Variants in MED12L observed in about 807,000 individuals in gnomAD.
The protein encoded by MED12L is mediator complex subunit 12L.
MED12L carries 60 observed loss-of-function variants against 281.3 expected under a neutral mutation model. That is an observed-to-expected ratio of 0.21 (90% CI 0.17 to 0.26). The LOEUF is 0.26. MED12L is among the 10% of genes least tolerant of loss of function. The pLI is 1.00. For missense variants in MED12L, 2,146 were observed against 2,680.9 expected, an observed-to-expected ratio of 0.80 and a Z score of 4.41; for synonymous variants, 974 against 987.2, an observed-to-expected ratio of 0.99 and a Z score of 0.25.
chr3:151,407,315 G>T (rs73008548), intron 39 of MED12L, among the ~76,000 whole-genome samples: 1 of 152,148 alleles, frequency 6.6e-6, no homozygotes, highest in African/African-American at 2.4e-5. Context: ...CATGCAGATC[G>T]CATTCTGCTT....
In MED12L at chr3:151,360,494, A is replaced by G. The variant is rs1754479503; in HGVS notation, c.2846A>G (p.His949Arg). The G allele has an allele frequency of 1.9e-6, 3 of 1,612,730 alleles. No individual in the cohort carries two copies. The highest frequency in any genetic ancestry group is 2.5e-6 in the Non-Finnish European group (3 of 1,179,056). The change falls in exon 21 of 45, where the codon CAT becomes CGT. Residue 949 changes from histidine (H) to arginine (R), a missense_variant. Coordinates refer to ENST00000687756, the MANE Select transcript of MED12L (RefSeq NM_001393769.1). ...CTCAGGTTGTGTGGTGTGGTCAAGC[A>G]TGTCGTAAACCCCTCAGAATGTTCT... ...VFEGLCGVVK[H>R]VVNPSECSSP...
chr3:151,156,179 C>T lies in MED12L; in HGVS notation c.575C>T (p.Thr192Ile), dbSNP rs781707171. ...AATGCAGAGTGGACACAGATATCTACCAGATATCTTCGAGAGCAGTTGGCC... is the reference window on the plus strand; with the variant it reads ...AATGCAGAGTGGACACAGATATCTATCAGATATCTTCGAGAGCAGTTGGCC... The part of the protein sequence containing the change: ...DPNLEWTQIS[T>I]RYLREQLAKI... Residue 192 changes from threonine (T) to isoleucine (I), a missense_variant, in exon 6 of 45, where the codon ACC (threonine) becomes ATC (isoleucine). Physicochemically the swap from Thr to Ile is moderately conservative, Grantham distance 89. Around this residue, in one of 9 missense-constraint regions of MED12L, gnomAD observed 722 missense variants for 861.2 expected, o/e 0.84. Coordinates refer to ENST00000687756, the MANE Select transcript of MED12L (RefSeq NM_001393769.1). 6.2e-7 allele frequency: 1 copy of T among 1,608,952 alleles called. No homozygotes were observed.
chr3:151,391,831 A>T (rs1472078597), intron 38 of MED12L, among the ~76,000 whole-genome samples: 1 of 152,228 alleles, frequency 6.6e-6, no homozygotes, highest in East Asian at 1.9e-4. Flanking sequence ...AACTTAGAGG[A>T]ACCTCTGGCT....
intron 16 of MED12L, among the ~76,000 whole-genome samples, chr3:151,348,107 T>C (rs1752752796): frequency 6.6e-6 from 1 of 152,204 alleles, no homozygotes; most frequent in South Asian, 2.1e-4. Context: ...CTTGTATTTT[T>C]TCAGGGCTCC....
intron 38 of MED12L, among the ~76,000 whole-genome samples, chr3:151,392,384 T>C (rs1007527328): frequency 6.8e-6 from 1 of 147,746 alleles, no homozygotes; most frequent in African/African-American, 2.5e-5. Context: ...GAGAATAACT[T>C]GAACCTAGGA....
At chr3:151,136,185 GTAAT>G (rs1716112386) in intron 5 of MED12L, among the ~76,000 whole-genome samples, 1 of 152,170 alleles carries the variant, frequency 6.6e-6, no homozygotes, top group Admixed American at 6.5e-5. Flanking sequence ...TTCACAGTGG[GTAAT>G]TAATTTGTGA....
chr3:151,221,171 G>A (rs1729269898), intron 16 of MED12L, among the ~76,000 whole-genome samples: 1 of 152,168 alleles, frequency 6.6e-6, no homozygotes, highest in Non-Finnish European at 1.5e-5. Flanking sequence ...ATGATTTAGG[G>A]TATCTAGCTG....
chr3:151,416,496 A>C, intron 43 of MED12L, 74 bp downstream of exon 43: 1 of 1,501,456 alleles, frequency 6.7e-7, no homozygotes, highest in South Asian at 1.2e-5. Context: ...CATGTTCATA[A>C]GATTGTTAAG....
chr3:151,256,329 A>T (rs1559946469), intron 16 of MED12L, among the ~76,000 whole-genome samples: 1 of 152,156 alleles, frequency 6.6e-6, no homozygotes, highest in East Asian at 1.9e-4. Flanking sequence ...GGAGCTTTAC[A>T]TTTTTGCCTC....
rs745403446 is a variant in MED12L at position 151,411,395 on chromosome 3, G to C, written c.6028G>C (p.Ala2010Pro). Residue 2010 changes from alanine (A) to proline (P), a missense_variant, in exon 41 of 45, where the codon GCA (alanine) becomes CCA (proline). Transcript: ENST00000687756. The stretch of plus-strand genomic sequence containing the variant: ...CTATAACTCCAGAGCCTATCCGGCC[G>C]CACATTCCAACCCCGTGCTAATGGA... Reference protein sequence around the residue: ...PSYNSRAYPAAHSNPVLMERL... With the variant: ...PSYNSRAYPAPHSNPVLMERL... 2 of 1,614,104 alleles carry C rather than the reference G, an allele frequency of 1.2e-6. No homozygotes were observed. Among genetic ancestry groups the C allele is most frequent in the Non-Finnish European group, 1.7e-6 (2 of 1,180,016 alleles).
intron 43 of MED12L, among the ~76,000 whole-genome samples, chr3:151,419,423 C>G (rs1717991362): frequency 6.6e-6 from 1 of 152,156 alleles, no homozygotes; most frequent in South Asian, 2.1e-4. Context: ...GGAGGCTAGG[C>G]CAGTCTCTCC....
intron 38 of MED12L, among the ~76,000 whole-genome samples, chr3:151,390,761 T>G (rs1046541244): frequency 1.3e-5 from 2 of 152,236 alleles, no homozygotes; most frequent in African/African-American, 4.8e-5. Flanking sequence ...TGTGCCATTT[T>G]AACAAATAAT....
chr3:151,233,612 A>C (rs530062568), intron 16 of MED12L, among the ~76,000 whole-genome samples: 2 of 152,296 alleles, frequency 1.3e-5, no homozygotes, highest in South Asian at 4.1e-4. Context: ...AGGTGTCTGT[A>C]ATCCCAGCTA....
intron 16 of MED12L, among the ~76,000 whole-genome samples, chr3:151,342,300 C>T (rs1751957155): frequency 6.6e-6 from 1 of 152,366 alleles, no homozygotes; most frequent in African/African-American, 2.4e-5. Context: ...GTGTCTCAAA[C>T]TGCAGTGTCC....
At chr3:151,381,403 A>T (rs879586772) in intron 32 of MED12L, among the ~76,000 whole-genome samples, 18 of 152,190 alleles carry the variant, frequency 1.2e-4, no homozygotes, top group Admixed American at 1.2e-3. Flanking sequence ...ATAAGGCCAG[A>T]CATGATTTGA....
Position 151,434,509 on chromosome 3 carries a change from A to C in MED12L, c.*1705A>C, listed in dbSNP as rs529787300. The C allele has an allele frequency of 1.4e-5, 1 of 72,604 alleles. No individual in the cohort carries two copies. The highest frequency in any genetic ancestry group is 4.6e-4 in the East Asian group (1 of 2,154). The allele number at this position is 72,604 out of a possible 1,614,324, so 4.5% of individuals were successfully genotyped here. A position where few individuals can be genotyped will look rare whatever the true frequency, so the allele number is the denominator to read the frequency against. The stretch of plus-strand genomic sequence containing the variant: ...ATTCTTTTCACTAAATTAATAGTCT[A>C]TCTGCTTTCAGAAGATGTATCATCT... On this transcript the variant is annotated 3_prime_UTR_variant, in exon 45 of 45. Coordinates refer to ENST00000687756, the MANE Select transcript of MED12L (RefSeq NM_001393769.1).
chr3:151,172,277 G>A (rs1216746201), intron 11 of MED12L, among the ~76,000 whole-genome samples: 1 of 152,150 alleles, frequency 6.6e-6, no homozygotes, highest in Non-Finnish European at 1.5e-5. Context: ...ATTTCCTGAC[G>A]ATGTGAAAAT....
chr3:151,135,510 T>A (rs148177515), intron 5 of MED12L, among the ~76,000 whole-genome samples: 1 of 152,232 alleles, frequency 6.6e-6, no homozygotes, highest in Non-Finnish European at 1.5e-5. Flanking sequence ...AACCTTGCAA[T>A]GTAGGTTTCA....
chr3:151,151,031 C>CTTTTTTGTTTTTTTTTTTTTT (rs1718401974), intron 5 of MED12L, among the ~76,000 whole-genome samples: 1 of 32,880 alleles, frequency 3.0e-5, no homozygotes, highest in Non-Finnish European at 5.4e-5. Flanking sequence ...GCTGAAGTAG[C>CTTTTTTGTTTTTTTTTTTTTT]TTTTTTTTTT....
Sources: gnomAD v4.1 joint callset for allele counts (sites outside exome capture counted in the v4.1 genomes callset) on GRCh38, gnomAD v4.1.1 for gene constraint, gnomAD v4.1.1 regional missense constraint, MANE v1.5 for transcripts, NCBI Gene and HGNC (gene_info 2026-07-23, HGNC 2026-07-21) for gene names.